The following EPHB1 variants were observed in gnomAD, a reference collection of about 807,000 sequenced individuals.
The protein encoded by EPHB1 is ephrin type-B receptor 1.
A neutral mutation model predicts 94.4 loss-of-function variants in EPHB1; 30 were observed. The ratio of observed to expected loss-of-function variants is 0.32; its 90% CI spans 0.24 to 0.43. The LOEUF is 0.43. EPHB1 is among the 20% of genes least tolerant of loss of function. EPHB1 has a pLI of 1.00. For missense variants in EPHB1, 1,055 were observed against 1,308.3 expected (o/e 0.81, Z 2.99); for synonymous variants, 522 against 489.1 (o/e 1.07, Z -0.89).
intron 12 of EPHB1, among the ~76,000 whole-genome samples, chr3:135,222,559 T>G (rs950536746): frequency 6.6e-6 from 1 of 152,230 alleles, no homozygotes; most frequent in Non-Finnish European, 1.5e-5. Flanking sequence ...CTTTCTTTCA[T>G]GCAAATAGTG....
intron 12 of EPHB1, among the ~76,000 whole-genome samples, chr3:135,207,380 C>T (rs1176438533): frequency 6.6e-6 from 1 of 152,056 alleles, no homozygotes; most frequent in African/African-American, 2.4e-5. Context: ...TCTAAAAATA[C>T]AAACAATTTA....
intron 1 of EPHB1, among the ~76,000 whole-genome samples, chr3:134,878,244 A>T (rs577879122): frequency 6.6e-6 from 1 of 152,374 alleles, no homozygotes; most frequent in Non-Finnish European, 1.5e-5. Context: ...CAATTTCTTA[A>T]GAAAATGGCT....
intron 7 of EPHB1, among the ~76,000 whole-genome samples, chr3:135,163,601 T>G (rs1247579597): frequency 6.6e-6 from 1 of 152,084 alleles, no homozygotes; most frequent in East Asian, 1.9e-4. Flanking sequence ...ACTGTCTAGA[T>G]TTATAGGCAC....
intron 13 of EPHB1, among the ~76,000 whole-genome samples, chr3:135,247,368 G>A (rs951187447): frequency 3.9e-5 from 6 of 152,172 alleles, no homozygotes; most frequent in Non-Finnish European, 5.9e-5. Context: ...CATCTCAATA[G>A]ATGGATTTTT....
intron 3 of EPHB1, among the ~76,000 whole-genome samples, chr3:135,093,043 C>G (rs138656335): frequency 1.3e-5 from 2 of 152,204 alleles, no homozygotes; most frequent in Non-Finnish European, 2.9e-5. Context: ...TTCCTCACTC[C>G]GTGTCAATGG....
chr3:135,030,637 C>G lies in EPHB1; in HGVS notation c.806-75811C>G, dbSNP rs147878584. The stretch of plus-strand genomic sequence containing the variant: ...CACTGCTCTCTTCGAAGCTGTCAGA[C>G]AGGGACATTTAAGTCCGCAGAGGTT... On this transcript the variant is annotated intron_variant, in intron 3 of 15. Transcript: ENST00000398015. Among the ~76,000 whole-genome samples the G allele has an allele frequency of 3.1e-3, 466 of 152,356 alleles. 3 individuals are homozygous for G. Among genetic ancestry groups the G allele is most frequent in the African/African-American group, 0.01 (426 of 41,586 alleles).
intron 3 of EPHB1, among the ~76,000 whole-genome samples, chr3:135,096,047 T>G (rs1938746894): frequency 6.6e-6 from 1 of 152,218 alleles, no homozygotes; most frequent in African/African-American, 2.4e-5. Context: ...TCCATTGATA[T>G]ATCACAATGC....
intron 4 of EPHB1, among the ~76,000 whole-genome samples, chr3:135,113,175 T>C (rs2107802239): frequency 6.6e-6 from 1 of 152,282 alleles, no homozygotes; most frequent in East Asian, 1.9e-4. Flanking sequence ...CCCCGCCCCA[T>C]GCTGGTAGAT....
intron 5 of EPHB1, among the ~76,000 whole-genome samples, chr3:135,138,047 T>C (rs1223192028): frequency 1.3e-5 from 2 of 152,250 alleles, no homozygotes; most frequent in Non-Finnish European, 2.9e-5. Context: ...AGCCTCTCTA[T>C]CTTTCCTCAT....
intron 1 of EPHB1, among the ~76,000 whole-genome samples, chr3:134,886,229 G>A (rs954832134): frequency 2.0e-5 from 3 of 152,266 alleles, no homozygotes; most frequent in Middle Eastern, 6.8e-3. Flanking sequence ...TCCTGTTCAC[G>A]TGTCTTATGT....
chr3:134,970,213 A>AT (rs1365677603), intron 3 of EPHB1, among the ~76,000 whole-genome samples: 1 of 152,242 alleles, frequency 6.6e-6, no homozygotes, highest in African/African-American at 2.4e-5. Flanking sequence ...TGGCACAAAG[A>AT]TTTTCTTCTC....
chr3:135,179,934 A>G lies in EPHB1; in HGVS notation c.1834A>G (p.Lys612Glu), dbSNP rs1478914518. 1 of 1,613,990 alleles carries G rather than the reference A, an allele frequency of 6.2e-7. No individual in the cohort carries two copies. The highest frequency in any genetic ancestry group is 8.5e-7 in the Non-Finnish European group (1 of 1,179,850). ...CAACGAAGCTGTCCGGGAGTTTGCC[A>G]AGGAGATTGATGTATCTTTTGTGAA... ...DPNEAVREFA[K>E]EIDVSFVKIE... Residue 612 changes from lysine to glutamate, a missense_variant, in exon 10 of 16, where the codon AAG (lysine) becomes GAG (glutamate). Transcript: ENST00000398015.
intron 2 of EPHB1, among the ~76,000 whole-genome samples, chr3:134,948,745 C>A (rs763883779): frequency 2.0e-5 from 3 of 152,224 alleles, no homozygotes; most frequent in Non-Finnish European, 4.4e-5. Context: ...ACTGTGGATG[C>A]GCCACTCCAG....
intron 3 of EPHB1, among the ~76,000 whole-genome samples, chr3:135,083,314 G>A (rs1459403189): frequency 6.6e-6 from 1 of 152,050 alleles, no homozygotes; most frequent in Non-Finnish European, 1.5e-5. Flanking sequence ...GCAGCAGGGG[G>A]GAAATTAGGG....
At chr3:134,806,783 A>G (rs995470408) in intron 1 of EPHB1, among the ~76,000 whole-genome samples, 1 of 152,180 alleles carries the variant, frequency 6.6e-6, no homozygotes, top group Non-Finnish European at 1.5e-5. Context: ...AACCAGAAAT[A>G]TTACAGCCCT....
intron 2 of EPHB1, among the ~76,000 whole-genome samples, chr3:134,935,676 G>A (rs1047841945): frequency 3.9e-5 from 6 of 152,152 alleles, no homozygotes; most frequent in Admixed American, 6.5e-5. Flanking sequence ...TGGTAACAAC[G>A]ACTCTTGTTC....
chr3:134,825,480 G>A (rs6789449), intron 1 of EPHB1, among the ~76,000 whole-genome samples: 85,663 of 152,172 alleles, frequency 0.56, 27,487 homozygotes, highest in East Asian at 0.79. Flanking sequence ...GAGGACAGAA[G>A]TAATATCCCA....
chr3:135,111,394 T>G (rs1939436157), intron 4 of EPHB1, among the ~76,000 whole-genome samples: 1 of 152,144 alleles, frequency 6.6e-6, no homozygotes, highest in African/African-American at 2.4e-5. Context: ...TAGAGTTGGG[T>G]CATATTCCTC....
intron 1 of EPHB1, among the ~76,000 whole-genome samples, chr3:134,835,858 A>G (rs1010810544): frequency 6.6e-6 from 1 of 152,184 alleles, no homozygotes; most frequent in African/African-American, 2.4e-5. Context: ...CCAGTACCCC[A>G]GGGCTCCTGT....
Sources: gnomAD v4.1 joint callset for allele counts (sites outside exome capture counted in the v4.1 genomes callset) on GRCh38, gnomAD v4.1.1 for gene constraint, MANE v1.5 for transcripts, NCBI Gene and HGNC (gene_info 2026-07-23, HGNC 2026-07-21) for gene names.